The following MYO5B variants were observed in gnomAD, a reference collection of about 807,000 sequenced individuals.
The protein encoded by MYO5B is myosin VB, also known as unconventional myosin-Vb.
In MYO5B, 143 loss-of-function variants were observed where a neutral mutation model predicts 229.3. That is an observed-to-expected ratio of 0.62 (90% CI 0.54 to 0.72). The LOEUF (loss-of-function observed/expected upper bound fraction) is 0.72, where lower values mean the gene tolerates loss of function less well. Among genes scored for constraint, MYO5B ranks in the 30% least tolerant of loss-of-function variants. MYO5B has a pLI of 0.00. For missense variants in MYO5B, 2,321 were observed against 2,331.0 expected (o/e 1.00, Z 0.09); for synonymous variants, 918 against 885.2 (o/e 1.04, Z -0.66).
intron 12 of MYO5B, among the ~76,000 whole-genome samples, chr18:49,956,418 G>C (rs2025493175): frequency 1.3e-5 from 2 of 152,214 alleles, no homozygotes; most frequent in African/African-American, 2.4e-5. Context: ...TGTGGCTTTT[G>C]CCATTAAATA....
intron 18 of MYO5B, among the ~76,000 whole-genome samples, chr18:49,911,518 C>G (rs879655809): frequency 3.9e-5 from 6 of 152,254 alleles, no homozygotes; most frequent in African/African-American, 7.2e-5. Context: ...AATCTTAAGA[C>G]TAACCTTTGA....
At chr18:49,942,464 A>T (rs900019191) in intron 14 of MYO5B, among the ~76,000 whole-genome samples, 3 of 151,062 alleles carry the variant, frequency 2.0e-5, no homozygotes, top group African/African-American at 7.3e-5. Context: ...CAATCTACTC[A>T]TCTGACAAAG....
chr18:50,123,509 T>C (rs111242752), intron 1 of MYO5B, among the ~76,000 whole-genome samples: 3,862 of 152,210 alleles, frequency 0.025, 164 homozygotes, highest in African/African-American at 0.089. Flanking sequence ...GGAAGATTGC[T>C]TGAAATCAGG....
intron 31 of MYO5B, among the ~76,000 whole-genome samples, chr18:49,851,987 CCCTCCT>C (rs150832122): frequency 0.083 from 12,554 of 151,792 alleles, 579 homozygotes; most frequent in South Asian, 0.15. Context: ...CAAACTGGAG[CCCTCCT>C]CCTCCTCCTC....
intron 16 of MYO5B, among the ~76,000 whole-genome samples, chr18:49,933,975 A>G (rs1275084215): frequency 6.6e-6 from 1 of 152,294 alleles, no homozygotes; most frequent in East Asian, 1.9e-4. Context: ...TCCTGGGCTC[A>G]AGCAATTCTC....
intron 2 of MYO5B, among the ~76,000 whole-genome samples, chr18:50,051,178 G>A (rs2030382907): frequency 6.6e-6 from 1 of 152,110 alleles, no homozygotes; most frequent in Non-Finnish European, 1.5e-5. Context: ...TTAAAAATAT[G>A]AGATTTAAAT....
chr18:49,963,858 G>T (rs531982532), intron 10 of MYO5B, among the ~76,000 whole-genome samples: 121 of 152,286 alleles, frequency 7.9e-4, no homozygotes, highest in South Asian at 3.1e-3. Context: ...GACCTGGGAA[G>T]TGCAATGGTG....
intron 14 of MYO5B, among the ~76,000 whole-genome samples, chr18:49,950,953 G>A (rs893331604): frequency 1.3e-5 from 2 of 152,110 alleles, no homozygotes; most frequent in Non-Finnish European, 2.9e-5. Context: ...AATTGTTCAT[G>A]CAAACAATAA....
At chr18:49,967,200 T>C (rs1280036424) in intron 10 of MYO5B, among the ~76,000 whole-genome samples, 1 of 152,228 alleles carries the variant, frequency 6.6e-6, no homozygotes, top group African/African-American at 2.4e-5. Context: ...TCTATTTTCA[T>C]AGTCGAAAAG....
chr18:50,108,012 A>G (rs1267474587), intron 1 of MYO5B, among the ~76,000 whole-genome samples: 1 of 152,092 alleles, frequency 6.6e-6, no homozygotes, highest in Non-Finnish European at 1.5e-5. Flanking sequence ...AGGTTCAAGC[A>G]ATTCTCATGC....
chr18:49,948,385 G>C (rs995894280), intron 14 of MYO5B, among the ~76,000 whole-genome samples: 1 of 147,488 alleles, frequency 6.8e-6, no homozygotes, highest in African/African-American at 2.4e-5. Context: ...AGGCTTTGGA[G>C]GAAAAGTCTC....
At chr18:49,963,484 G>A (rs576238978) in intron 10 of MYO5B, among the ~76,000 whole-genome samples, 4 of 151,992 alleles carry the variant, frequency 2.6e-5, no homozygotes, top group East Asian at 1.9e-4. Context: ...GTGCAGAGGC[G>A]CAATCTTGGC....
At chr18:49,832,858 A>G (rs1598817294) in intron 39 of MYO5B, among the ~76,000 whole-genome samples, 1 of 152,224 alleles carries the variant, frequency 6.6e-6, no homozygotes, top group Non-Finnish European at 1.5e-5. Flanking sequence ...AAGGTACTCA[A>G]TGATGGCTCT....
chr18:50,192,233 C>G (rs1196773291), intron 1 of MYO5B, among the ~76,000 whole-genome samples: 1 of 152,220 alleles, frequency 6.6e-6, no homozygotes, highest in Non-Finnish European at 1.5e-5. Context: ...GATACCAAAA[C>G]TGCTGCACCC....
Position 49,923,112 on chromosome 18 carries a change from T to C in MYO5B, c.2090+6400A>G, listed in dbSNP as rs115218280. ...GGGCAGTGAGCGGCCAGAAAAGCCC[T>C]CTGCAACTTACTGTGCCTCCTAGCA... On this transcript the variant is annotated intron_variant, in intron 17 of 39. Transcript: ENST00000285039. Among the ~76,000 whole-genome samples, 1,083 of 152,318 alleles carry C rather than the reference T, an allele frequency of 7.1e-3. 9 individuals are homozygous for C. The highest frequency in any genetic ancestry group is 0.024 in the African/African-American group (1,012 of 41,566).
chr18:50,038,360 A>T (rs1490892574), intron 3 of MYO5B, among the ~76,000 whole-genome samples: 2 of 152,182 alleles, frequency 1.3e-5, no homozygotes, highest in Non-Finnish European at 2.9e-5. Flanking sequence ...AAGTGTAATA[A>T]ACCAGATTAT....
intron 19 of MYO5B, 31 bp downstream of exon 19, chr18:49,906,388 T>G: frequency 6.2e-7 from 1 of 1,606,734 alleles, no homozygotes. Context: ...CACCATGATC[T>G]GCTGCCCTGA....
chr18:49,966,054 T>C (rs985761317), intron 10 of MYO5B, among the ~76,000 whole-genome samples: 1 of 152,102 alleles, frequency 6.6e-6, no homozygotes, highest in Admixed American at 6.5e-5. Flanking sequence ...ATGTTGCAGC[T>C]GGCCCTGATG....
Position 49,863,993 on chromosome 18 carries a change from TG to T in MYO5B, c.3843+147del, listed in dbSNP as rs374516986. 6,323 of 1,205,680 alleles carry T rather than the reference TG, an allele frequency of 5.2e-3. 32 individuals carry two copies. Among genetic ancestry groups the T allele is most frequent in the Non-Finnish European group, 6.6e-3 (5,683 of 864,510 alleles). 74.7% of individuals were successfully genotyped at this position (1,205,680 alleles called of 1,614,324 possible). A position where few individuals can be genotyped will look rare whatever the true frequency, so the allele number is the denominator to read the frequency against. On this transcript the variant is annotated intron_variant, in intron 28 of 39. Coordinates refer to ENST00000285039, the MANE Select transcript of MYO5B (RefSeq NM_001080467.3). ...CATGCTGACAGGGCAGCAAGGCTTT[TG>T]CTCTGCCTTTTTGGAGGAGACCCCA...
Sources: gnomAD v4.1 joint callset for allele counts (sites outside exome capture counted in the v4.1 genomes callset) on GRCh38, gnomAD v4.1.1 for gene constraint, MANE v1.5 for transcripts, NCBI Gene and HGNC (gene_info 2026-07-23, HGNC 2026-07-21) for gene names.